The following DLG1 variants were observed in gnomAD, a reference collection of about 807,000 sequenced individuals.
The protein encoded by DLG1 is discs large MAGUK scaffold protein 1.
In DLG1, 42 loss-of-function variants were observed where a neutral mutation model predicts 123.4. The observed-to-expected ratio is 0.34, with a 90% confidence interval of 0.27 to 0.44. DLG1 has a LOEUF of 0.44. Among genes scored for constraint, DLG1 ranks in the 20% least tolerant of loss-of-function variants. The pLI, the probability that DLG1 is intolerant of heterozygous loss-of-function variation, is 1.00. For synonymous variants in DLG1, 317 were observed against 356.2 expected, an observed-to-expected ratio of 0.89 and a Z score of 1.24; for missense variants, 942 against 1,082.6, an observed-to-expected ratio of 0.87 and a Z score of 1.82.
At chr3:197,051,494 CA>C in intron 24 of DLG1, 82 bp downstream of exon 24, 1 of 1,088,422 alleles carries the variant, frequency 9.2e-7, no homozygotes, top group Non-Finnish European at 1.4e-6. Context: ...AGGCATAGTT[CA>C]AAATCCACCT....
chr3:197,294,488 T>C (rs985825258), intron 3 of DLG1, among the ~76,000 whole-genome samples: 10 of 151,680 alleles, frequency 6.6e-5, no homozygotes, highest in African/African-American at 2.4e-4. Context: ...TTACTAAAAA[T>C]ACAATACAAA....
intron 14 of DLG1, among the ~76,000 whole-genome samples, chr3:197,093,967 T>A (rs1235757456): frequency 2.6e-5 from 4 of 152,176 alleles, no homozygotes; most frequent in Admixed American, 1.3e-4. Flanking sequence ...AAGGTCAGAT[T>A]AGAAGAGGCC....
chr3:197,243,329 T>TTA (rs1749928153), intron 4 of DLG1, among the ~76,000 whole-genome samples: 2 of 151,960 alleles, frequency 1.3e-5, no homozygotes, highest in South Asian at 4.1e-4. Context: ...GAAAAACTAC[T>TTA]TATGTAATAG....
At chr3:197,104,285 G>A (rs1034154750) in intron 14 of DLG1, among the ~76,000 whole-genome samples, 4 of 152,102 alleles carry the variant, frequency 2.6e-5, no homozygotes, top group Non-Finnish European at 5.9e-5. Context: ...TAAAAGCTAT[G>A]TCTTCAGTTA....
At position 197,255,981 on chromosome 3, in the gene DLG1, G is replaced by A. The variant is rs1257947329; in HGVS notation, c.318+26698C>T. ...TGAAAATAACCAGGCTGTGAGGTAC[G>A]ATATCTGCAAATGGCCAATAAACAA... On this transcript the variant is annotated intron_variant, in intron 4 of 24. Transcript: ENST00000667157. Among the ~76,000 whole-genome samples the A allele has an allele frequency of 2.0e-5, 3 of 152,140 alleles. No homozygotes were observed. The East Asian group carries it at 5.8e-4, about 29-fold the overall frequency.
intron 4 of DLG1, among the ~76,000 whole-genome samples, chr3:197,248,360 C>T (rs62282103): frequency 3.6e-4 from 55 of 152,150 alleles, no homozygotes; most frequent in Non-Finnish European, 6.8e-4. Flanking sequence ...AGGTGGGTCT[C>T]AATCTCTTAC....
chr3:197,045,577 T>TAAA (rs35371226), intron 24 of DLG1, among the ~76,000 whole-genome samples: 1 of 142,764 alleles, frequency 7.0e-6, no homozygotes, highest in South Asian at 2.2e-4. Flanking sequence ...CCTGTGTATT[T>TAAA]AAAAAAAAAA....
At chr3:197,113,262 CCATTT>C (rs1771128575) in intron 13 of DLG1, among the ~76,000 whole-genome samples, 1 of 152,010 alleles carries the variant, frequency 6.6e-6, no homozygotes, top group Non-Finnish European at 1.5e-5. Flanking sequence ...GTTCTATGGT[CCATTT>C]CAAGTTAATT....
intron 13 of DLG1, among the ~76,000 whole-genome samples, chr3:197,111,664 C>T (rs1184263818): frequency 6.6e-6 from 1 of 152,144 alleles, no homozygotes; most frequent in Non-Finnish European, 1.5e-5. Flanking sequence ...TCTTTTCCAC[C>T]GATGTTCAAC....
chr3:197,263,980 G>C (rs537734959), intron 4 of DLG1, among the ~76,000 whole-genome samples: 32 of 152,122 alleles, frequency 2.1e-4, no homozygotes, highest in Admixed American at 1.8e-3. Context: ...CATTTTCCCA[G>C]TAAAAATAGA....
At chr3:197,126,991 G>A (rs903105559) in intron 11 of DLG1, among the ~76,000 whole-genome samples, 1 of 152,060 alleles carries the variant, frequency 6.6e-6, no homozygotes, top group South Asian at 2.1e-4. Flanking sequence ...TACCCAGTAC[G>A]TTTAAGATCT....
At chr3:197,286,300 T>C (rs1771811670) in intron 3 of DLG1, among the ~76,000 whole-genome samples, 1 of 152,172 alleles carries the variant, frequency 6.6e-6, no homozygotes, top group African/African-American at 2.4e-5. Context: ...TCCAACCTTT[T>C]TGGCACCAAA....
At chr3:197,086,273 GAC>G (rs1447720344) in intron 15 of DLG1, among the ~76,000 whole-genome samples, 2 of 152,088 alleles carry the variant, frequency 1.3e-5, no homozygotes, top group African/African-American at 2.4e-5. Context: ...AACAATGATG[GAC>G]ACTAATTACA....
chr3:197,200,285 A>G (rs1724940946), intron 4 of DLG1, among the ~76,000 whole-genome samples: 1 of 152,218 alleles, frequency 6.6e-6, no homozygotes, highest in African/African-American at 2.4e-5. Flanking sequence ...GTGTGCAAAT[A>G]TCTCCCTATC....
chr3:197,069,493 TC>T (rs901997571), intron 18 of DLG1: 4 of 331,638 alleles, frequency 1.2e-5, no homozygotes, highest in African/African-American at 8.6e-5. Flanking sequence ...TATGAACAAA[TC>T]TATTATAAAT....
At chr3:197,061,423 A>T (rs935731455) in intron 22 of DLG1, among the ~76,000 whole-genome samples, 1 of 152,224 alleles carries the variant, frequency 6.6e-6, no homozygotes, top group Non-Finnish European at 1.5e-5. Flanking sequence ...AAACAATGGC[A>T]TCTCTTACAT....
chr3:197,175,637 T>C (rs973407908), intron 5 of DLG1, among the ~76,000 whole-genome samples: 2 of 152,216 alleles, frequency 1.3e-5, no homozygotes, highest in African/African-American at 4.8e-5. Flanking sequence ...GTATAACATC[T>C]GTTTATTCAT....
intron 14 of DLG1, among the ~76,000 whole-genome samples, chr3:197,104,177 G>GA (rs1200721793): frequency 1.3e-5 from 2 of 151,988 alleles, no homozygotes; most frequent in Non-Finnish European, 2.9e-5. Context: ...TCAAAAGCTA[G>GA]AAAAAATCTG....
At chr3:197,096,805 T>C (rs1384183760) in intron 14 of DLG1, among the ~76,000 whole-genome samples, 2 of 152,234 alleles carry the variant, frequency 1.3e-5, no homozygotes, top group South Asian at 2.1e-4. Flanking sequence ...ATAAACTATA[T>C]GTCTTTCTGG....
Sources: gnomAD v4.1 joint callset for allele counts (sites outside exome capture counted in the v4.1 genomes callset) on GRCh38, gnomAD v4.1.1 for gene constraint, MANE v1.5 for transcripts, NCBI Gene and HGNC (gene_info 2026-07-23, HGNC 2026-07-21) for gene names.